MAGI1: variants seen among roughly 807,000 people sequenced by gnomAD.
MAGI1 encodes the protein membrane associated guanylate kinase, WW and PDZ domain containing 1, also known as membrane-associated guanylate kinase, WW and PDZ domain-containing protein 1.
Under a neutral mutation model 139.9 loss-of-function variants are expected in MAGI1, and 58 were observed. That is an observed-to-expected ratio of 0.41 (90% confidence interval 0.34 to 0.52). The LOEUF (loss-of-function observed/expected upper bound fraction) is 0.52. Ranked by LOEUF, MAGI1 falls within the 20% of genes least tolerant of loss-of-function variation. MAGI1 has a pLI of 0.12. For synonymous variants in MAGI1, 812 were observed against 737.9 expected, an observed-to-expected ratio of 1.10 and a Z score of -1.63; for missense variants, 1,874 against 1,901.6, an observed-to-expected ratio of 0.99 and a Z score of 0.27.
At position 65,510,949 on chromosome 3, in the gene MAGI1, G is replaced by T. The variant is rs1190291365; in HGVS notation, c.431-17318C>A. ...AAGGGAAGCCCATCAGACTAACAGC[G>T]GATCTCTTGGCAGAAACCCTACAAG... is the stretch of plus-strand genomic sequence containing the variant. On this transcript the variant is annotated intron_variant, in intron 2 of 22. Transcript: ENST00000402939. Among the ~76,000 whole-genome samples the T allele has an allele frequency of 6.9e-4, 102 of 148,222 alleles. No individual in the cohort carries two copies. The Middle Eastern group carries it at 0.014, about 21-fold the overall frequency.
intron 2 of MAGI1, among the ~76,000 whole-genome samples, chr3:65,530,642 T>A (rs1267351143): frequency 1.5e-5 from 2 of 129,914 alleles, no homozygotes; most frequent in Non-Finnish European, 3.0e-5. Context: ...TGTGTGTGTG[T>A]GTGTGTGTGT....
At chr3:65,833,408 C>T (rs1010445740) in intron 1 of MAGI1, among the ~76,000 whole-genome samples, 1 of 152,070 alleles carries the variant, frequency 6.6e-6, no homozygotes, top group African/African-American at 2.4e-5. Context: ...TTTGAGCCAC[C>T]ACGCCTGGCC....
At chr3:65,448,096 A>G (rs753582823) in intron 6 of MAGI1, 39 bp from the exon 7 acceptor site, 1 of 1,603,780 alleles carries the variant, frequency 6.2e-7, no homozygotes, top group Non-Finnish European at 8.5e-7. Context: ...CAGAAAAGAG[A>G]GAAAGCAAAA....
At chr3:65,474,634 T>C (rs200097572) in intron 4 of MAGI1, among the ~76,000 whole-genome samples, 39 of 117,136 alleles carry the variant, frequency 3.3e-4, no homozygotes, top group African/African-American at 7.7e-4. Flanking sequence ...CACACACACA[T>C]GCACACTCAC....
At chr3:65,855,218 A>G (rs991366355) in intron 1 of MAGI1, among the ~76,000 whole-genome samples, 6 of 134,114 alleles carry the variant, frequency 4.5e-5, no homozygotes, top group African/African-American at 2.0e-4. Flanking sequence ...GTGAGTCCAC[A>G]AGAGAAAAAA....
At position 65,561,206 on chromosome 3, in the gene MAGI1, T is replaced by C. The variant is rs147153381; in HGVS notation, c.430+60766A>G. On this transcript the variant is annotated intron_variant, in intron 2 of 22. Transcript: ENST00000402939. ...GACAGCTATCTTCTTTTTCTATCAA[T>C]AAATCTTCCCTATTTGGCAGAGCTA... Among the ~76,000 whole-genome samples the C allele has an allele frequency of 4.3e-3, 654 of 152,290 alleles. 3 individuals carry two copies. The highest frequency in any genetic ancestry group is 0.015 in the African/African-American group (605 of 41,572).
intron 5 of MAGI1, among the ~76,000 whole-genome samples, chr3:65,463,617 G>T (rs1181465548): frequency 2.1e-5 from 3 of 145,334 alleles, no homozygotes; most frequent in East Asian, 2.2e-4. Flanking sequence ...CCAGGTTTTG[G>T]TATCAGGATG....
intron 12 of MAGI1, among the ~76,000 whole-genome samples, chr3:65,425,826 T>C (rs1347515651): frequency 6.6e-6 from 1 of 152,138 alleles, no homozygotes; most frequent in East Asian, 1.9e-4. Context: ...GGGGCACAGG[T>C]AGTTACGCTA....
chr3:65,468,323 C>T (rs902461626), intron 5 of MAGI1, among the ~76,000 whole-genome samples: 1 of 148,286 alleles, frequency 6.7e-6, no homozygotes, highest in Non-Finnish European at 1.5e-5. Flanking sequence ...CTCTATTTCA[C>T]TTATCTCAGA....
intron 9 of MAGI1, among the ~76,000 whole-genome samples, chr3:65,439,330 T>G (rs1948074092): frequency 6.6e-6 from 1 of 152,074 alleles, no homozygotes; most frequent in African/African-American, 2.4e-5. Context: ...CCTAGAAAAT[T>G]TCTGCACAGG....
chr3:65,409,957 C>T (rs1010424421), intron 12 of MAGI1, among the ~76,000 whole-genome samples: 1 of 152,218 alleles, frequency 6.6e-6, no homozygotes, highest in Non-Finnish European at 1.5e-5. Context: ...ACACAGTACA[C>T]ATAGTCTAAT....
intron 1 of MAGI1, among the ~76,000 whole-genome samples, chr3:65,659,026 C>T (rs2086042247): frequency 6.6e-6 from 1 of 152,142 alleles, no homozygotes; most frequent in South Asian, 2.1e-4. Context: ...ATGCCAACAA[C>T]AGCCAGGTAA....
At chr3:65,722,844 G>A (rs1400212811) in intron 1 of MAGI1, among the ~76,000 whole-genome samples, 2 of 151,984 alleles carry the variant, frequency 1.3e-5, no homozygotes, top group Admixed American at 1.3e-4. Context: ...AACACCATGT[G>A]AGTTTCCAGC....
chr3:65,834,966 T>G (rs2108311152), intron 1 of MAGI1, among the ~76,000 whole-genome samples: 1 of 152,344 alleles, frequency 6.6e-6, no homozygotes, highest in African/African-American at 2.4e-5. Context: ...TGAACCTGCC[T>G]ATATTGTTTC....
intron 1 of MAGI1, among the ~76,000 whole-genome samples, chr3:65,933,596 T>A (rs932103266): frequency 1.1e-4 from 16 of 152,080 alleles, no homozygotes; most frequent in African/African-American, 1.4e-4. Flanking sequence ...CTACTCAGCT[T>A]AGGAGGAGTC....
chr3:65,531,924 C>T (rs931023606), intron 2 of MAGI1, among the ~76,000 whole-genome samples: 1 of 152,166 alleles, frequency 6.6e-6, no homozygotes, highest in East Asian at 1.9e-4. Flanking sequence ...AATTAGCCAT[C>T]ACTATTATTA....
At position 65,357,848 on chromosome 3, in the gene MAGI1, C is replaced by G. The variant is rs114422415; in HGVS notation, c.3635-716G>C. On this transcript the variant is annotated intron_variant, in intron 22 of 22. Coordinates refer to ENST00000402939, the MANE Select transcript of MAGI1 (RefSeq NM_001033057.2). ...TGACGACTGGCAAATGGGATATGTA[C>G]GCAAGGGCCCATTAAACTGTCCTAT... Among the ~76,000 whole-genome samples, 447 of 152,188 alleles carry G rather than the reference C, an allele frequency of 2.9e-3. 3 individuals are homozygous for G. The highest frequency in any genetic ancestry group is 0.01 in the African/African-American group (429 of 41,532).
At chr3:65,637,476 C>T (rs1463125748) in intron 1 of MAGI1, among the ~76,000 whole-genome samples, 2 of 151,410 alleles carry the variant, frequency 1.3e-5, no homozygotes, top group Admixed American at 6.6e-5. Context: ...ATCACCTGGG[C>T]CTGGGAAATC....
At chr3:65,713,638 A>G (rs958528924) in intron 1 of MAGI1, among the ~76,000 whole-genome samples, 6 of 152,150 alleles carry the variant, frequency 3.9e-5, no homozygotes, top group Non-Finnish European at 4.4e-5. Flanking sequence ...TTAAGAGCCA[A>G]AGAGACCTCA....
Sources: allele counts gnomAD v4.1 joint callset (sites outside exome capture counted in the v4.1 genomes callset), GRCh38; gene constraint gnomAD v4.1.1; transcripts MANE v1.5; gene names NCBI Gene and HGNC (gene_info 2026-07-23, HGNC 2026-07-21).